ADGRL2: variants seen among roughly 807,000 people sequenced by gnomAD.
ADGRL2 encodes adhesion G protein-coupled receptor L2, also known as calcium-independent alpha-latrotoxin receptor 2.
In ADGRL2, 44 loss-of-function variants were observed where a neutral mutation model predicts 157.4. That is an observed-to-expected ratio of 0.28 (90% CI 0.22 to 0.36). The LOEUF is 0.36. Among genes scored for constraint, ADGRL2 ranks in the 10% least tolerant of loss-of-function variants. ADGRL2 has a pLI of 1.00. For synonymous variants in ADGRL2, 585 were observed against 624.7 expected, an observed-to-expected ratio of 0.94 and a Z score of 0.95; for missense variants, 1,510 against 1,768.9, an observed-to-expected ratio of 0.85 and a Z score of 2.63.
intron 2 of ADGRL2, among the ~76,000 whole-genome samples, chr1:81,871,873 C>G (rs955072865): frequency 1.3e-5 from 2 of 152,072 alleles, no homozygotes; most frequent in Non-Finnish European, 2.9e-5. Flanking sequence ...TTCTCCCATT[C>G]TGTAGGTTGC....
intron 2 of ADGRL2, among the ~76,000 whole-genome samples, chr1:81,893,054 A>G (rs2094303550): frequency 6.6e-6 from 1 of 152,202 alleles, no homozygotes; most frequent in Non-Finnish European, 1.5e-5. Context: ...CTAGAATTCA[A>G]AACCTTATCT....
chr1:81,841,117 T>A lies in ADGRL2; in HGVS notation c.73+4060T>A, dbSNP rs570662493. 5.9e-4 allele frequency among the ~76,000 whole-genome samples: 90 copies of A among 152,308 alleles called. 3 individuals are homozygous for A. In the South Asian group the frequency reaches 0.018, roughly 30 times the overall value. ...TCAGTAATGCAGATTTCAGGTTGAA[T>A]CCTTTATGCAGTGAATATGTAATTA... On this transcript the variant is annotated intron_variant, in intron 2 of 23. Transcript: ENST00000686636.
At chr1:81,836,123 GT>G (rs1219505733) in intron 1 of ADGRL2, among the ~76,000 whole-genome samples, 1 of 152,014 alleles carries the variant, frequency 6.6e-6, no homozygotes, top group Non-Finnish European at 1.5e-5. Flanking sequence ...TAATGAGTTT[GT>G]TTTACTGAGT....
intron 1 of ADGRL2, among the ~76,000 whole-genome samples, chr1:81,361,093 T>C (rs930727053): frequency 6.6e-6 from 1 of 151,874 alleles, no homozygotes; most frequent in African/African-American, 2.4e-5. Flanking sequence ...AGTCTTATAT[T>C]TTAAAAGAAG....
At chr1:81,500,365 G>T (rs540257337) in intron 2 of ADGRL2, among the ~76,000 whole-genome samples, 1 of 152,282 alleles carries the variant, frequency 6.6e-6, no homozygotes, top group South Asian at 2.1e-4. Context: ...GTTAATAGTG[G>T]CATTATTCAT....
intron 1 of ADGRL2, among the ~76,000 whole-genome samples, chr1:81,372,518 T>C (rs1323940966): frequency 1.3e-5 from 2 of 152,340 alleles, no homozygotes; most frequent in African/African-American, 4.8e-5. Context: ...ATCGATTGAT[T>C]ATAATTCAGC....
At position 81,720,849 on chromosome 1, in the gene ADGRL2, GA is replaced by G. The variant is rs1212377177; in HGVS notation, c.-143+21046del. Among the ~76,000 whole-genome samples, 7 of 150,580 alleles carry G rather than the reference GA, an allele frequency of 4.6e-5. No individual in the cohort carries two copies. In the South Asian group the frequency reaches 1.3e-3, roughly 27 times the overall value. On this transcript the variant is annotated intron_variant, in intron 1 of 20. Coordinates refer to the ADGRL2 transcript ENST00000359929. ...TAACTTGTGAGTCTGATGAATTGGG[GA>G]AAAATCCTCACTTATATATTAACAT...
chr1:81,409,674 G>T (rs1044594743), intron 1 of ADGRL2, among the ~76,000 whole-genome samples: 4 of 152,162 alleles, frequency 2.6e-5, no homozygotes, highest in African/African-American at 9.7e-5. Context: ...GCAGGTGTAA[G>T]GGTGACTTTG....
intron 3 of ADGRL2, among the ~76,000 whole-genome samples, chr1:81,626,195 T>C (rs1198875920): frequency 6.6e-6 from 1 of 152,204 alleles, no homozygotes; most frequent in Non-Finnish European, 1.5e-5. Flanking sequence ...ACTCCACCCT[T>C]TTCCACACCT....
At chr1:81,674,186 C>T (rs483882) in intron 3 of ADGRL2, among the ~76,000 whole-genome samples, 44,141 of 151,656 alleles carry the variant, frequency 0.29, 6,534 homozygotes, top group Admixed American at 0.37. Context: ...ACCTTTTTTG[C>T]CTTGAAACAT....
intron 3 of ADGRL2, among the ~76,000 whole-genome samples, chr1:81,636,770 T>A (rs997143241): frequency 1.3e-5 from 2 of 152,100 alleles, no homozygotes; most frequent in Admixed American, 6.6e-5. Flanking sequence ...CATTTTCATA[T>A]ACCAAAGAAA....
chr1:81,482,271 G>A (rs531339368), intron 2 of ADGRL2, among the ~76,000 whole-genome samples: 3 of 152,266 alleles, frequency 2.0e-5, no homozygotes, highest in South Asian at 2.1e-4. Flanking sequence ...ATAAAGCACC[G>A]TATGTTTCTG....
chr1:81,945,458 T>G (rs1056126530), intron 6 of ADGRL2, among the ~76,000 whole-genome samples: 1 of 152,136 alleles, frequency 6.6e-6, no homozygotes, highest in African/African-American at 2.4e-5. Context: ...AAATTCATAA[T>G]CAGGCAACAA....
chr1:81,411,239 A>T (rs1385319929), intron 1 of ADGRL2, among the ~76,000 whole-genome samples: 1 of 152,262 alleles, frequency 6.6e-6, no homozygotes, highest in Non-Finnish European at 1.5e-5. Context: ...GCGAATGCAG[A>T]TGAGAATATT....
chr1:81,348,283 A>G (rs1475097716), intron 1 of ADGRL2, among the ~76,000 whole-genome samples: 1 of 152,150 alleles, frequency 6.6e-6, no homozygotes, highest in African/African-American at 2.4e-5. Flanking sequence ...ACACATACAC[A>G]CACACTTGTG....
intron 3 of ADGRL2, among the ~76,000 whole-genome samples, chr1:81,616,930 G>A (rs1264370724): frequency 6.6e-6 from 1 of 152,062 alleles, no homozygotes. Context: ...TGCCCACCTT[G>A]GCCTCCCAAA....
intron 1 of ADGRL2, among the ~76,000 whole-genome samples, chr1:81,418,836 T>G (rs1038624821): frequency 1.3e-5 from 2 of 152,200 alleles, no homozygotes; most frequent in African/African-American, 4.8e-5. Context: ...ATTTCCAATA[T>G]GTAGCGATTT....
intron 17 of ADGRL2, among the ~76,000 whole-genome samples, chr1:81,975,500 C>T (rs935225924): frequency 6.6e-6 from 1 of 152,100 alleles, no homozygotes; most frequent in African/African-American, 2.4e-5. Flanking sequence ...CTCCCTGCCT[C>T]TTTGCCTGCC....
intron 2 of ADGRL2, among the ~76,000 whole-genome samples, chr1:81,449,286 T>A (rs905006370): frequency 5.3e-5 from 8 of 152,078 alleles, no homozygotes; most frequent in Non-Finnish European, 8.8e-5. Context: ...GGGGGCTAAA[T>A]AACCAGTGAT....
Sources: allele counts gnomAD v4.1 joint callset (sites outside exome capture counted in the v4.1 genomes callset), GRCh38; gene constraint gnomAD v4.1.1; transcripts MANE v1.5; gene names NCBI Gene and HGNC (gene_info 2026-07-23, HGNC 2026-07-21).